Variants in FNIP2 observed in about 807,000 individuals in gnomAD.
FNIP2 encodes folliculin-interacting protein 2.
Under a neutral mutation model 108.7 loss-of-function variants are expected in FNIP2, and 32 were observed. The ratio of observed to expected loss-of-function variants is 0.29; its 90% CI spans 0.22 to 0.40. The LOEUF is 0.40. Ranked by LOEUF, FNIP2 falls within the 10% of genes least tolerant of loss-of-function variation. The pLI is 1.00. For missense variants in FNIP2, 1,202 were observed against 1,381.6 expected, an observed-to-expected ratio of 0.87 and a Z score of 2.06; for synonymous variants, 480 against 496.7, an observed-to-expected ratio of 0.97 and a Z score of 0.45.
At chr4:158,846,472 A>G (rs1779411789) in intron 7 of FNIP2, among the ~76,000 whole-genome samples, 1 of 152,298 alleles carries the variant, frequency 6.6e-6, no homozygotes, top group South Asian at 2.1e-4. Flanking sequence ...CAAGTGTCAC[A>G]GCTACTAGAC....
intron 10 of FNIP2, 59 bp from the exon 11 acceptor site, chr4:158,861,283 A>G (rs1230198947): frequency 5.8e-6 from 9 of 1,539,314 alleles, no homozygotes; most frequent in South Asian, 1.2e-5. Context: ...TTTTACACCA[A>G]GATTATCCAA....
chr4:158,904,256 C>G (rs1410722773), intron 16 of FNIP2, among the ~76,000 whole-genome samples: 1 of 152,136 alleles, frequency 6.6e-6, no homozygotes, highest in Non-Finnish European at 1.5e-5. Flanking sequence ...TATTTCTCTC[C>G]CTTTGCCTCC....
intron 14 of FNIP2, among the ~76,000 whole-genome samples, chr4:158,876,084 T>A (rs918738353): frequency 6.6e-6 from 1 of 152,238 alleles, no homozygotes; most frequent in Non-Finnish European, 1.5e-5. Flanking sequence ...GTCATGATGT[T>A]AAAATGTATT....
At chr4:158,846,356 A>G (rs566364128) in intron 7 of FNIP2, among the ~76,000 whole-genome samples, 1 of 152,296 alleles carries the variant, frequency 6.6e-6, no homozygotes, top group African/African-American at 2.4e-5. Context: ...TAGACAATTC[A>G]GAATCCGCTA....
chr4:158,815,385 T>C (rs1297404931), intron 1 of FNIP2, among the ~76,000 whole-genome samples: 2 of 68,546 alleles, frequency 2.9e-5, no homozygotes, highest in African/African-American at 4.5e-5. Context: ...GTAATCCAGC[T>C]TTTTTTTTTT....
intron 7 of FNIP2, among the ~76,000 whole-genome samples, chr4:158,846,154 C>T (rs1450626392): frequency 3.3e-5 from 5 of 152,108 alleles, no homozygotes; most frequent in African/African-American, 9.7e-5. Flanking sequence ...TTTGTTTAAT[C>T]TTCACAGGAA....
intron 1 of FNIP2, among the ~76,000 whole-genome samples, chr4:158,789,433 G>A (rs139157827): frequency 1.2e-4 from 19 of 152,288 alleles, no homozygotes; most frequent in African/African-American, 2.4e-5. Flanking sequence ...AATAATGGCT[G>A]TAAGTTAACC....
chr4:158,882,800 A>G (rs554016417), intron 14 of FNIP2, among the ~76,000 whole-genome samples: 1,534 of 152,292 alleles, frequency 0.01, 24 homozygotes, highest in African/African-American at 0.034. Context: ...TGAAGGCAGC[A>G]TGCTCCTTAA....
intron 12 of FNIP2, among the ~76,000 whole-genome samples, chr4:158,863,742 T>A (rs1339976981): frequency 1.3e-5 from 2 of 152,236 alleles, no homozygotes; most frequent in Non-Finnish European, 2.9e-5. Context: ...CAGTATAAAA[T>A]GTATTTCTTT....
chr4:158,834,325 T>TCTCTCTCTCTCTCTCTCTCTCTCTCC (rs1390704315), intron 6 of FNIP2: 2 of 149,802 alleles, frequency 1.3e-5, no homozygotes, highest in African/African-American at 5.1e-5. Context: ...TCTCTCTCTC[T>TCTCTCTCTCTCTCTCTCTCTCTCTCC]CTCTCCCTCT....
At chr4:158,844,095 G>C (rs929427809) in intron 7 of FNIP2, among the ~76,000 whole-genome samples, 3 of 152,134 alleles carry the variant, frequency 2.0e-5, no homozygotes, top group Non-Finnish European at 4.4e-5. Context: ...CTTCTTTCTC[G>C]ACTTACCACA....
intron 5 of FNIP2, among the ~76,000 whole-genome samples, chr4:158,833,084 C>T (rs1307491136): frequency 6.6e-6 from 1 of 152,116 alleles, no homozygotes; most frequent in Non-Finnish European, 1.5e-5. Flanking sequence ...AAAAAAGTTG[C>T]TGAATTGCTC....
chr4:158,861,272 C>T (rs1780276849), intron 10 of FNIP2, 70 bp from the exon 11 acceptor site: 2 of 1,499,270 alleles, frequency 1.3e-6, no homozygotes, highest in African/African-American at 2.8e-5. Context: ...CTCCTTTATT[C>T]TTTTACACCA....
chr4:158,850,664 A>G (rs1030378952), intron 7 of FNIP2, among the ~76,000 whole-genome samples: 2 of 147,600 alleles, frequency 1.4e-5, no homozygotes, highest in Non-Finnish European at 3.0e-5. Flanking sequence ...TATTGTATAT[A>G]TGGAGATGAA....
At chr4:158,787,675 CTTAA>C (rs1776266665) in intron 1 of FNIP2, among the ~76,000 whole-genome samples, 2 of 152,108 alleles carry the variant, frequency 1.3e-5, no homozygotes, top group African/African-American at 2.4e-5. Flanking sequence ...TTTTATGATT[CTTAA>C]TTATCTCACA....
intron 14 of FNIP2, among the ~76,000 whole-genome samples, chr4:158,887,113 G>C (rs761514489): frequency 6.6e-6 from 1 of 152,120 alleles, no homozygotes; most frequent in African/African-American, 2.4e-5. Context: ...CTTTTCTTTA[G>C]TTCCCATGCC....
intron 1 of FNIP2, among the ~76,000 whole-genome samples, chr4:158,791,266 C>CTTTTTTTTTT (rs199714823): frequency 1.1e-4 from 11 of 98,076 alleles, no homozygotes; most frequent in African/African-American, 1.6e-4. Flanking sequence ...ACTGAGGATC[C>CTTTTTTTTTT]TTTTTTTTTT....
chr4:158,891,288 T>C (rs1782265082), intron 14 of FNIP2, among the ~76,000 whole-genome samples, 158 bp from the exon 15 acceptor site: 1 of 151,034 alleles, frequency 6.6e-6, no homozygotes, highest in Admixed American at 6.6e-5. Flanking sequence ...TTTACCCTAT[T>C]TACCCTATGG....
At chr4:158,816,784 CAAA>C (rs543335523) in intron 1 of FNIP2, among the ~76,000 whole-genome samples, 4 of 101,268 alleles carry the variant, frequency 3.9e-5, no homozygotes, top group Non-Finnish European at 4.0e-5. Context: ...GACTCTGTCT[CAAA>C]AAAAAAAAAA....
Sources: gnomAD v4.1 joint callset for allele counts (sites outside exome capture counted in the v4.1 genomes callset) on GRCh38, gnomAD v4.1.1 for gene constraint, MANE v1.5 for transcripts, NCBI Gene and HGNC (gene_info 2026-07-23, HGNC 2026-07-21) for gene names.